Variants in PLCB2 observed in about 807,000 individuals in gnomAD.
PLCB2 encodes the protein phospholipase C beta 2.
Under a neutral mutation model 141.7 loss-of-function variants are expected in PLCB2, and 115 were observed. The observed-to-expected ratio is 0.81, with a 90% CI of 0.70 to 0.95. The LOEUF is 0.95. PLCB2 is among the 40% of genes least tolerant of loss of function. PLCB2 has a pLI of 0.00. For synonymous variants in PLCB2, 603 were observed against 595.6 expected, an observed-to-expected ratio of 1.01 and a Z score of -0.18; for missense variants, 1,403 against 1,541.1, an observed-to-expected ratio of 0.91 and a Z score of 1.50.
At chr15:40,302,723 A>G in intron 3 of PLCB2, 114 bp from the exon 4 acceptor site, 1 of 1,138,446 alleles carries the variant, frequency 8.8e-7, no homozygotes, top group Non-Finnish European at 1.3e-6. Context: ...GCAGAACCCC[A>G]TCCCCATCCC....
intron 1 of PLCB2, among the ~76,000 whole-genome samples, chr15:40,304,819 C>G (rs1457617705): frequency 6.6e-6 from 1 of 152,140 alleles, no homozygotes; most frequent in Non-Finnish European, 1.5e-5. Context: ...AACTCACCTT[C>G]TAAAGTCCTG....
Position 40,290,097 on chromosome 15 carries a change from G to T in PLCB2, c.3210-15C>A, listed in dbSNP as rs780180731. ...CTCTCTTCAACCTGTTGGTGTAATT[G>T]GAGTTTTAGAAAAGGGAGAAAACCC... is the stretch of plus-strand genomic sequence containing the variant. On this transcript the variant is annotated splice_polypyrimidine_tract_variant and intron_variant, in intron 29 of 31. Coordinates refer to ENST00000260402, the MANE Select transcript of PLCB2 (RefSeq NM_004573.3). 6.3e-7 allele frequency: 1 copy of T among 1,581,480 alleles called. No individual in the cohort carries two copies. Among genetic ancestry groups the T allele is most frequent in the South Asian group, 1.1e-5 (1 of 90,428 alleles).
intron 1 of PLCB2, among the ~76,000 whole-genome samples, chr15:40,307,124 G>T (rs575240210): frequency 6.6e-6 from 1 of 152,162 alleles, no homozygotes; most frequent in African/African-American, 2.4e-5. Context: ...CCACAGCAGC[G>T]CAGGGGAGAG....
Position 40,288,805 on chromosome 15 carries a change from G to A in PLCB2, c.3468C>T (p.Asp1156=), listed in dbSNP as rs2039685313. Residue 1156 remains aspartate (D), a synonymous_variant, in exon 32 of 32, where the codon GAC becomes GAT. Transcript: ENST00000260402. ...LRTCFPSEAK[D]KPERACECPP... is the part of the protein sequence containing the mutation. ...GGCACTCGCAGGCCCTCTCAGGCTT[G>A]TCCTTGGCCTCGGAGGGAAAGCAGG... is the stretch of plus-strand genomic sequence containing the variant. 6.2e-7 allele frequency: 1 copy of A among 1,613,962 alleles called. No individual in the cohort carries two copies. Among genetic ancestry groups the A allele is most frequent in the Non-Finnish European group, 8.5e-7 (1 of 1,179,842 alleles).
chr15:40,304,972 G>C (rs758257198), intron 1 of PLCB2, among the ~76,000 whole-genome samples: 53 of 152,158 alleles, frequency 3.5e-4, no homozygotes, highest in Non-Finnish European at 6.8e-4. Flanking sequence ...GCATTTACAA[G>C]GTGAATGATC....
At chr15:40,286,591 C>T (rs1008437159), downstream of PLCB2, among the ~76,000 whole-genome samples, 1 of 152,152 alleles carries the variant, frequency 6.6e-6, no homozygotes, top group African/African-American at 2.4e-5. Flanking sequence ...AGGCATGATG[C>T]GTGAAGGGAG....
At chr15:40,294,200 T>G (rs1595650012) in intron 19 of PLCB2, 66 bp downstream of exon 19, 4 of 1,493,812 alleles carry the variant, frequency 2.7e-6, no homozygotes, top group Non-Finnish European at 3.7e-6. Context: ...GAGTGAGGGG[T>G]GGGCTCCTGT....
chr15:40,304,078 C>A lies in PLCB2; in HGVS notation c.85G>T (p.Glu29Ter). The change falls in exon 2 of 32, where the codon GAA (glutamate) becomes TAA (stop). Residue 29 changes from glutamate to a stop codon, truncating the protein, a stop_gained and splice_region_variant. Transcript: ENST00000260402. LOFTEE classifies it high-confidence loss of function. Reference sequence around the variant, plus strand: ...ATAACTGGAGAGGCAACTGTAGTTTCCTGCAGAGAGAAGGAGCCAGCACTC... The same window carrying A: ...ATAACTGGAGAGGCAACTGTAGTTTACTGCAGAGAGAAGGAGCCAGCACTC... ...QGERFIKWDD[E>*]TTVASPVILR... The A allele has an allele frequency of 6.3e-7, 1 of 1,592,874 alleles. No individual in the cohort carries two copies. The highest frequency in any genetic ancestry group is 1.1e-5 in the South Asian group (1 of 87,584).
chr15:40,293,712 G>T lies in PLCB2; in HGVS notation c.2074C>A (p.Gln692Lys). The T allele has an allele frequency of 6.2e-7, 1 of 1,609,548 alleles. No homozygotes were observed. Among genetic ancestry groups the T allele is most frequent in the Non-Finnish European group, 8.5e-7 (1 of 1,176,278 alleles). Residue 692 changes from glutamine to lysine, a missense_variant, in exon 20 of 32, where the codon CAG (glutamine) becomes AAG (lysine). Transcript: ENST00000260402. ...TTLSITVISGQFLSERSVRTY... is the reference protein window; with the variant it reads ...TTLSITVISGKFLSERSVRTY... ...CGCACGCTGCGTTCTGACAGGAACT[G>T]CCCAGAGATCACCTGGGGGTAGGGG... is the stretch of plus-strand genomic sequence containing the variant.
chr15:40,298,084 A>T, intron 11 of PLCB2, 125 bp from the exon 12 acceptor site: 1 of 1,190,060 alleles, frequency 8.4e-7, no homozygotes, highest in Non-Finnish European at 1.2e-6. Context: ...ATTGGCCCCC[A>T]ATCCCTGCTG....
intron 2 of PLCB2, 140 bp downstream of exon 2, chr15:40,303,861 C>T: frequency 3.2e-6 from 2 of 617,142 alleles, no homozygotes; most frequent in South Asian, 3.9e-5. Flanking sequence ...CCCCTGCCTA[C>T]AGGGGAGCCT....
rs1165614414 is a variant in PLCB2 at position 40,301,759 on chromosome 15, C to T, written c.582+198G>A. 7.1e-6 allele frequency: 5 copies of T among 699,510 alleles called. No homozygotes were observed. In the East Asian group the frequency reaches 1.3e-4, roughly 19 times the overall value. The allele number at this position is 699,510 out of a possible 1,614,324, so 43.3% of individuals were successfully genotyped here. A position where few individuals can be genotyped will look rare whatever the true frequency, so the allele number is the denominator to read the frequency against. On this transcript the variant is annotated intron_variant, in intron 7 of 31. Transcript: ENST00000260402. ...GATACAGACAAACCTGCTTGGAGCTCAGGGTCTCACTCCCTTGCCCTGGCT... is the reference window on the plus strand; with the variant it reads ...GATACAGACAAACCTGCTTGGAGCTTAGGGTCTCACTCCCTTGCCCTGGCT...
At position 40,297,615 on chromosome 15, in the gene PLCB2, G is replaced by A. The variant is rs371110365; in HGVS notation, c.1239-10C>T. The A allele has an allele frequency of 1.2e-5, 20 of 1,610,666 alleles. No homozygotes were observed. The African/African-American group carries it at 2.4e-4, about 19-fold the overall frequency. On this transcript the variant is annotated splice_polypyrimidine_tract_variant and intron_variant, in intron 12 of 31. Coordinates refer to ENST00000260402, the MANE Select transcript of PLCB2 (RefSeq NM_004573.3). The surrounding 1 kb of genome is among the most constrained non-coding windows in gnomAD (Gnocchi z 4.2). ...AGCCTGCTGGCGGGGTCTGCGGGGA[G>A]CAAAAGCGGGGATGGGGTTCAGCCG...
chr15:40,295,172 G>A (rs1264099233), intron 17 of PLCB2, 29 bp downstream of exon 17: 14 of 1,610,924 alleles, frequency 8.7e-6, no homozygotes, highest in Non-Finnish European at 1.2e-5. Context: ...CCAAGCCAAG[G>A]ACCCTGGCCA....
rs1423710592 is a variant in PLCB2 at position 40,291,329 on chromosome 15, G to T, written c.2806C>A (p.Pro936Thr). ...GCCCCGACGCCCCCCACGCCCGGTG[G>T]CCCGAGCTCCGCCAGCTGCGCCGCG... is the stretch of plus-strand genomic sequence containing the variant. ...RGAAQLAELGPPGVGGVGACK... is the reference protein window; with the variant it reads ...RGAAQLAELGTPGVGGVGACK... Residue 936 changes from proline to threonine, a missense_variant, in exon 26 of 32, where the codon CCA (proline) becomes ACA (threonine). By Grantham distance (38) the Pro-to-Thr change is conservative. Coordinates refer to ENST00000260402, the MANE Select transcript of PLCB2 (RefSeq NM_004573.3). The T allele has an allele frequency of 1.1e-5, 17 of 1,532,912 alleles. No homozygotes were observed. Among genetic ancestry groups the T allele is most frequent in the Non-Finnish European group, 1.5e-5 (17 of 1,147,614 alleles). 95.0% of individuals were successfully genotyped at this position (1,532,912 alleles called of 1,614,324 possible).
rs1288424207 is a variant in PLCB2, at chr15:40,292,050, C to T, written c.2526+14G>A. On this transcript the variant is annotated intron_variant, in intron 23 of 31. Transcript: ENST00000260402. ...CTCTGGTGAGCCCCTGGCAGCAGTG[C>T]AGGCAACACAGACCTCAGGCAGACC... is the stretch of plus-strand genomic sequence containing the variant. 1 of 1,612,166 alleles carries T rather than the reference C, an allele frequency of 6.2e-7. No homozygotes were observed. Among genetic ancestry groups the T allele is most frequent in the Non-Finnish European group, 8.5e-7 (1 of 1,178,242 alleles).
intron 31 of PLCB2, 160 bp downstream of exon 31, chr15:40,289,112 A>C: frequency 1.0e-6 from 1 of 1,002,164 alleles, no homozygotes; most frequent in Non-Finnish European, 1.5e-6. Context: ...CCAGGCGGAG[A>C]TCTGCAGAGC....
intron 16 of PLCB2, among the ~76,000 whole-genome samples, chr15:40,295,676 C>T (rs1457624989): frequency 1.3e-5 from 2 of 152,154 alleles, no homozygotes; most frequent in African/African-American, 4.8e-5. Flanking sequence ...TATGGCTGAA[C>T]ACGTCTGGGG....
chr15:40,307,806 T>A lies in PLCB2; in HGVS notation c.-134A>T, dbSNP rs918456054. On this transcript the variant is annotated 5_prime_UTR_variant, in exon 1 of 32. Transcript: ENST00000260402. ...CCCCGAGCTGCTCCAGAAATCTAGT[T>A]GCTCTTATAGCCCCTGGGGTGGCCC... 4 of 659,944 alleles carry A rather than the reference T, an allele frequency of 6.1e-6. No homozygotes were observed. Among genetic ancestry groups the A allele is most frequent in the Non-Finnish European group, 1.0e-5 (4 of 397,280 alleles). The allele number at this position is 659,944 out of a possible 1,614,324, so 40.9% of individuals were successfully genotyped here.
Sources: allele counts gnomAD v4.1 joint callset (sites outside exome capture counted in the v4.1 genomes callset), GRCh38; gene constraint gnomAD v4.1.1; non-coding constraint Gnocchi (gnomAD v3.1); transcripts MANE v1.5; gene names NCBI Gene and HGNC (gene_info 2026-07-23, HGNC 2026-07-21).